Variants in CC2D2B observed in about 807,000 individuals in gnomAD.
CC2D2B encodes the protein coiled-coil and C2 domain containing 2B.
In CC2D2B, 128 loss-of-function variants were observed where a neutral mutation model predicts 161.2. The observed-to-expected ratio is 0.79, with a 90% CI of 0.69 to 0.92. The LOEUF (loss-of-function observed/expected upper bound fraction) is 0.92. Among genes scored for constraint, CC2D2B ranks in the 40% least tolerant of loss-of-function variants. The pLI, the probability that CC2D2B is intolerant of heterozygous loss-of-function variation, is 0.00. For missense variants in CC2D2B, 1,173 were observed against 1,375.1 expected (o/e 0.85, Z 2.32); for synonymous variants, 391 against 449.8 (o/e 0.87, Z 1.65).
intron 16 of CC2D2B, 133 bp from the exon 17 acceptor site, chr10:95,973,876 A>C (rs1036546950): frequency 2.2e-6 from 1 of 447,000 alleles, no homozygotes; most frequent in African/African-American, 2.0e-5. Context: ...AAAAAAAAAA[A>C]AAAAGAGTGG....
chr10:96,026,915 G>T (rs950792945), intron 33 of CC2D2B, among the ~76,000 whole-genome samples: 1 of 152,186 alleles, frequency 6.6e-6, no homozygotes, highest in Non-Finnish European at 1.5e-5. Flanking sequence ...CTGAGGTCAG[G>T]AGTTTGAGAC....
At chr10:95,997,339 T>C (rs1185658245) in intron 24 of CC2D2B, among the ~76,000 whole-genome samples, 1 of 152,190 alleles carries the variant, frequency 6.6e-6, no homozygotes, top group East Asian at 1.9e-4. Flanking sequence ...TGCAAGAGTT[T>C]CTTTTTAAGA....
intron 31 of CC2D2B, 125 bp from the exon 32 acceptor site, chr10:96,019,577 A>G: frequency 9.9e-7 from 1 of 1,006,182 alleles, no homozygotes; most frequent in Non-Finnish European, 1.5e-6. Flanking sequence ...CTCCTGCCTC[A>G]GAACCCCGCT....
intron 24 of CC2D2B, among the ~76,000 whole-genome samples, chr10:95,998,615 CA>C: frequency 6.6e-6 from 1 of 152,058 alleles, no homozygotes; most frequent in Non-Finnish European, 1.5e-5. Context: ...GGCAAGTCCA[CA>C]ATGTGCAGGG....
At chr10:95,971,353 C>T (rs2077122933) in intron 15 of CC2D2B, among the ~76,000 whole-genome samples, 1 of 134,532 alleles carries the variant, frequency 7.4e-6, no homozygotes, top group South Asian at 2.3e-4. Flanking sequence ...TGCACCACTA[C>T]AATCCAGCCT....
intron 1 of CC2D2B, among the ~76,000 whole-genome samples, chr10:95,908,636 G>T (rs1428499876): frequency 2.0e-5 from 3 of 152,022 alleles, no homozygotes; most frequent in Non-Finnish European, 4.4e-5. Flanking sequence ...GTTGGAGAGT[G>T]GTCACTGCGG....
intron 12 of CC2D2B, among the ~76,000 whole-genome samples, chr10:95,965,600 C>T (rs547842014): frequency 3.3e-5 from 5 of 152,030 alleles, no homozygotes; most frequent in African/African-American, 4.8e-5. Flanking sequence ...CCCCATTCCC[C>T]TGTTACTTAT....
chr10:96,007,839 G>A (rs1205933826), intron 25 of CC2D2B, among the ~76,000 whole-genome samples: 1 of 152,022 alleles, frequency 6.6e-6, no homozygotes, highest in Non-Finnish European at 1.5e-5. Flanking sequence ...GGGTGGTGGT[G>A]GTAGTGAATG....
intron 10 of CC2D2B, among the ~76,000 whole-genome samples, chr10:95,951,381 G>T (rs545992736): frequency 9.9e-5 from 15 of 151,304 alleles, no homozygotes; most frequent in African/African-American, 3.2e-4. Flanking sequence ...TGAACTCCTG[G>T]GCTCAAGCGA....
chr10:95,956,959 T>A (rs1317390014), intron 11 of CC2D2B, among the ~76,000 whole-genome samples: 1 of 152,220 alleles, frequency 6.6e-6, no homozygotes, highest in Non-Finnish European at 1.5e-5. Context: ...GCAGAACTCA[T>A]GGATATGAAA....
intron 2 of CC2D2B, among the ~76,000 whole-genome samples, chr10:95,917,423 G>A (rs1266329228): frequency 6.6e-6 from 1 of 151,898 alleles, no homozygotes; most frequent in African/African-American, 2.4e-5. Context: ...TTTGTTTTCT[G>A]GTTGTTCTGT....
At chr10:95,977,157 G>A (rs2077348557) in intron 17 of CC2D2B, among the ~76,000 whole-genome samples, 1 of 152,174 alleles carries the variant, frequency 6.6e-6, no homozygotes, top group Non-Finnish European at 1.5e-5. Flanking sequence ...ATCACCTGAA[G>A]TCAGGAGTTT....
chr10:96,018,969 A>T (rs10748655), intron 30 of CC2D2B: 214,736 of 317,822 alleles, frequency 0.68, 72,250 homozygotes, highest in East Asian at 0.86. Context: ...CCAGCAAATT[A>T]AAAAAAAAAT....
intron 24 of CC2D2B, chr10:95,999,791 A>G: frequency 6.6e-6 from 2 of 301,396 alleles, no homozygotes; most frequent in Non-Finnish European, 1.3e-5. Flanking sequence ...ATGACTTTAT[A>G]GGGAGTAGGT....
intron 2 of CC2D2B, chr10:95,913,342 C>T: frequency 2.8e-6 from 1 of 355,956 alleles, no homozygotes; most frequent in Non-Finnish European, 5.5e-6. Flanking sequence ...ATATATATAC[C>T]ACATTTTCTT....
chr10:95,969,078 T>C (rs1175153431), intron 15 of CC2D2B, among the ~76,000 whole-genome samples, 177 bp downstream of exon 15: 2 of 152,222 alleles, frequency 1.3e-5, no homozygotes, highest in Non-Finnish European at 2.9e-5. Flanking sequence ...TCTTTTATGC[T>C]GTAAGTACAA....
At chr10:95,933,888 C>T (rs940175290) in intron 6 of CC2D2B, among the ~76,000 whole-genome samples, 1 of 152,194 alleles carries the variant, frequency 6.6e-6, no homozygotes, top group Non-Finnish European at 1.5e-5. Flanking sequence ...GGAGTCTGTC[C>T]CTTAGCAGAG....
At chr10:95,964,575 C>T (rs764720070) in intron 12 of CC2D2B, among the ~76,000 whole-genome samples, 4 of 152,106 alleles carry the variant, frequency 2.6e-5, no homozygotes, top group Non-Finnish European at 5.9e-5. Context: ...GAGCACTTTA[C>T]TTAAATTAGT....
chr10:95,926,850 G>C (rs867887273), intron 5 of CC2D2B, among the ~76,000 whole-genome samples: 14 of 145,690 alleles, frequency 9.6e-5, no homozygotes, highest in South Asian at 2.2e-4. Flanking sequence ...GTGTGTGTCT[G>C]TGTGTGTGTG....
Sources: gnomAD v4.1 joint callset for allele counts (sites outside exome capture counted in the v4.1 genomes callset) on GRCh38, gnomAD v4.1.1 for gene constraint, MANE v1.5 for transcripts, NCBI Gene and HGNC (gene_info 2026-07-23, HGNC 2026-07-21) for gene names.